Variants in ABTB2 observed in about 807,000 individuals in gnomAD.
ABTB2 encodes the protein ankyrin repeat and BTB domain containing 2.
In ABTB2, 56 loss-of-function variants were observed where a neutral mutation model predicts 104.1. That is an observed-to-expected ratio of 0.54 (90% CI 0.43 to 0.67). The LOEUF (loss-of-function observed/expected upper bound fraction) is 0.67. ABTB2 is among the 30% of genes least tolerant of loss of function. The pLI is 0.00. For synonymous variants in ABTB2, 606 were observed against 608.2 expected (o/e 1.00, Z 0.05); for missense variants, 1,279 against 1,407.7 (o/e 0.91, Z 1.46).
At chr11:34,325,870 G>T (rs910821146) in intron 1 of ABTB2, among the ~76,000 whole-genome samples, 1 of 151,840 alleles carries the variant, frequency 6.6e-6, no homozygotes, top group African/African-American at 2.4e-5. Flanking sequence ...AGAGTCACTT[G>T]AACTCGGGAG....
chr11:34,218,793 C>T (rs1298114951), intron 1 of ABTB2, among the ~76,000 whole-genome samples: 1 of 138,372 alleles, frequency 7.2e-6, no homozygotes, highest in Non-Finnish European at 1.5e-5. Flanking sequence ...TTGCTGTGAG[C>T]CAAGATTGCA....
At chr11:34,287,925 A>G (rs974675943) in intron 1 of ABTB2, among the ~76,000 whole-genome samples, 1 of 152,156 alleles carries the variant, frequency 6.6e-6, no homozygotes, top group Non-Finnish European at 1.5e-5. Context: ...TTGTCCCACC[A>G]TCGTATCCAC....
chr11:34,319,553 A>C (rs1854976922), intron 1 of ABTB2, among the ~76,000 whole-genome samples: 1 of 152,242 alleles, frequency 6.6e-6, no homozygotes, highest in African/African-American at 2.4e-5. Flanking sequence ...CTGTGGAGTC[A>C]GCCAGACCTG....
chr11:34,334,004 G>A (rs1855163468), intron 1 of ABTB2, among the ~76,000 whole-genome samples: 1 of 142,248 alleles, frequency 7.0e-6, no homozygotes, highest in Non-Finnish European at 1.6e-5. Flanking sequence ...CTAAGGGAAG[G>A]GAGCCACAGG....
intron 1 of ABTB2, among the ~76,000 whole-genome samples, chr11:34,218,697 A>T (rs78977608): frequency 6.6e-6 from 1 of 151,848 alleles, no homozygotes; most frequent in Non-Finnish European, 1.5e-5. Context: ...TAAAAACACA[A>T]AATTAGCCAG....
At chr11:34,219,227 G>A (rs1853585944) in intron 1 of ABTB2, among the ~76,000 whole-genome samples, 1 of 152,170 alleles carries the variant, frequency 6.6e-6, no homozygotes, top group Non-Finnish European at 1.5e-5. Context: ...CATATACGAT[G>A]GTGGTCCCAT....
chr11:34,166,863 T>C (rs1376101523), intron 7 of ABTB2, among the ~76,000 whole-genome samples: 1 of 151,934 alleles, frequency 6.6e-6, no homozygotes, highest in Non-Finnish European at 1.5e-5. Context: ...ACAGACCCCA[T>C]GATATAGAGT....
intron 1 of ABTB2, among the ~76,000 whole-genome samples, chr11:34,290,834 A>C (rs1854559018): frequency 6.6e-6 from 1 of 152,252 alleles, no homozygotes; most frequent in Non-Finnish European, 1.5e-5. Context: ...AGACAGGCCT[A>C]ATAGCTAAAA....
At chr11:34,176,279 C>CAA (rs58009507) in intron 3 of ABTB2, among the ~76,000 whole-genome samples, 1,382 of 71,706 alleles carry the variant, frequency 0.019, 28 homozygotes, top group African/African-American at 0.029. Flanking sequence ...GACTCCGTCT[C>CAA]AAAAAAAAAA....
intron 1 of ABTB2, among the ~76,000 whole-genome samples, chr11:34,320,641 G>C (rs962705696): frequency 6.6e-6 from 1 of 152,132 alleles, no homozygotes; most frequent in Non-Finnish European, 1.5e-5. Context: ...TAACCTTCAC[G>C]AAGGACTTAC....
chr11:34,342,440 T>C (rs1184797237), intron 1 of ABTB2, among the ~76,000 whole-genome samples: 1 of 152,048 alleles, frequency 6.6e-6, no homozygotes, highest in Admixed American at 6.6e-5. Flanking sequence ...ATGTGCTTCG[T>C]CCCCACCCAG....
chr11:34,313,803 C>A (rs987335040), intron 1 of ABTB2, among the ~76,000 whole-genome samples: 2 of 137,550 alleles, frequency 1.5e-5, no homozygotes, highest in Non-Finnish European at 3.4e-5. Flanking sequence ...GATGAACACA[C>A]ACTCACTATG....
rs925387656 is a variant in ABTB2, at chr11:34,357,011, G to A, written c.573C>T (p.Asp191=). ...GCGCGGACTTGCCCCGGCGCAGCCC[G>A]TCGCCGGCGCTCATGCTGTACAGGG... is the stretch of plus-strand genomic sequence containing the variant. The part of the protein sequence containing the change: ...ALSLYSMSAG[D]GLRRGKSARC... Residue 191 remains aspartate (D), a synonymous_variant, in exon 1 of 17, where the codon GAC becomes GAT. Coordinates refer to ENST00000435224, the MANE Select transcript of ABTB2 (RefSeq NM_145804.3). 9 of 1,568,490 alleles carry A rather than the reference G, an allele frequency of 5.7e-6. No individual in the cohort carries two copies. Among genetic ancestry groups the A allele is most frequent in the Admixed American group, 1.9e-5 (1 of 53,284 alleles).
At chr11:34,193,630 T>C (rs1008252524) in intron 3 of ABTB2, among the ~76,000 whole-genome samples, 1 of 152,256 alleles carries the variant, frequency 6.6e-6, no homozygotes, top group Non-Finnish European at 1.5e-5. Flanking sequence ...CTGAAGTTCT[T>C]TGGGCCTAGA....
rs756035465 is a variant in ABTB2 at position 34,162,582 on chromosome 11, C to A, written c.2212G>T (p.Ala738Ser). ...CATGCCCGTGAGGCCTCACCCAGTGCCCTCAGCTCCATGGTGATGTCCACG... is the reference window on the plus strand; with the variant it reads ...CATGCCCGTGAGGCCTCACCCAGTGACCTCAGCTCCATGGTGATGTCCACG... ...GYVDITMELR[A>S]LGVPWKLHIW... Residue 738 changes from alanine to serine, a missense_variant, in exon 10 of 17, where the codon GCA becomes TCA. Physicochemically the swap from Ala to Ser is moderately conservative, Grantham distance 99 (BLOSUM62 1). Transcript: ENST00000435224. 2.1e-5 allele frequency: 34 copies of A among 1,613,212 alleles called. No individual in the cohort carries two copies. Among genetic ancestry groups the A allele is most frequent in the African/African-American group, 1.7e-4 (13 of 74,944 alleles).
intron 3 of ABTB2, among the ~76,000 whole-genome samples, chr11:34,184,797 C>G (rs554039307): frequency 3.7e-4 from 56 of 152,374 alleles, no homozygotes; most frequent in Non-Finnish European, 5.6e-4. Context: ...TGGCCACGCC[C>G]CACCCATGGG....
At chr11:34,188,331 C>T (rs895973594) in intron 3 of ABTB2, among the ~76,000 whole-genome samples, 2 of 152,102 alleles carry the variant, frequency 1.3e-5, no homozygotes, top group African/African-American at 4.8e-5. Flanking sequence ...AGGAACAGGG[C>T]AGACCGAGGG....
rs530092736 is a variant in ABTB2, at chr11:34,277,455, A to C, written c.884-72765T>G. Among the ~76,000 whole-genome samples the C allele has an allele frequency of 3.3e-5, 5 of 151,332 alleles. No individual in the cohort carries two copies. In the South Asian group the frequency reaches 1.0e-3, roughly 32 times the overall value. On this transcript the variant is annotated intron_variant, in intron 1 of 16. Transcript: ENST00000435224. ...CAAAAGAAGTTATCAAATACTTTTCATTTCATTTCCTAAATGTCTTATTTA... is the reference window on the plus strand; with the variant it reads ...CAAAAGAAGTTATCAAATACTTTTCCTTTCATTTCCTAAATGTCTTATTTA...
Position 34,161,052 on chromosome 11 carries a change from C to G in ABTB2, c.2248G>C (p.Glu750Gln). ...TGCGAGAACGAGGTCCTCAGAGACT[C>G]GATCCAGATGTGCAGCTTCCAGGGG... is the stretch of plus-strand genomic sequence containing the variant. ...GVPWKLHIWI[E>Q]SLRTSFSQSR... Residue 750 changes from glutamate (E) to glutamine (Q), a missense_variant, in exon 11 of 17, where the codon GAG (glutamate) becomes CAG (glutamine). Physicochemically the swap from Glu to Gln is conservative, Grantham distance 29. Coordinates refer to ENST00000435224, the MANE Select transcript of ABTB2 (RefSeq NM_145804.3). The G allele has an allele frequency of 6.8e-6, 11 of 1,612,134 alleles. No individual in the cohort carries two copies. Among genetic ancestry groups the G allele is most frequent in the Non-Finnish European group, 9.3e-6 (11 of 1,179,192 alleles).
Sources: allele counts gnomAD v4.1 joint callset (sites outside exome capture counted in the v4.1 genomes callset), GRCh38; gene constraint gnomAD v4.1.1; transcripts MANE v1.5; gene names NCBI Gene and HGNC (gene_info 2026-07-23, HGNC 2026-07-21).